ERC1: variants seen among roughly 807,000 people sequenced by gnomAD.
ERC1 encodes ELKS/RAB6-interacting/CAST family member 1, also known as RAB6 interacting protein 2.
Under a neutral mutation model 132.0 loss-of-function variants are expected in ERC1, and 56 were observed. That is an observed-to-expected ratio of 0.42 (90% CI 0.34 to 0.53). The LOEUF is 0.53. Among genes scored for constraint, ERC1 ranks in the 20% least tolerant of loss-of-function variants. The pLI is 0.03. For synonymous variants in ERC1, 478 were observed against 476.1 expected (o/e 1.00, Z -0.05); for missense variants, 1,202 against 1,349.9 (o/e 0.89, Z 1.72).
chr12:1,389,211 T>A (rs1360286122), intron 16 of ERC1, among the ~76,000 whole-genome samples: 1 of 152,196 alleles, frequency 6.6e-6, no homozygotes, highest in Non-Finnish European at 1.5e-5. Flanking sequence ...CATGCTTATT[T>A]TTAGTAGAGT....
chr12:1,382,713 G>A (rs1298713647), intron 16 of ERC1, among the ~76,000 whole-genome samples: 1 of 152,180 alleles, frequency 6.6e-6, no homozygotes, highest in East Asian at 1.9e-4. Context: ...GTCTGCTAAA[G>A]GCTGACATTA....
At chr12:1,221,218 G>T (rs1049289388) in intron 12 of ERC1, among the ~76,000 whole-genome samples, 1 of 152,016 alleles carries the variant, frequency 6.6e-6, no homozygotes, top group East Asian at 1.9e-4. Flanking sequence ...TTAAATATTT[G>T]TTGAATTAAT....
intron 15 of ERC1, among the ~76,000 whole-genome samples, chr12:1,319,718 A>G (rs184181232): frequency 7.9e-5 from 12 of 152,310 alleles, no homozygotes; most frequent in African/African-American, 2.6e-4. Flanking sequence ...TATTGAAACA[A>G]ATTCATGAAT....
At position 1,164,412 on chromosome 12, in the gene ERC1, A is replaced by C. The variant is rs528278151; in HGVS notation, c.1738-16128A>C. Among the ~76,000 whole-genome samples the C allele has an allele frequency of 9.9e-5, 15 of 151,898 alleles. 1 individual carries two copies. In the South Asian group the frequency reaches 3.1e-3, roughly 32 times the overall value. On this transcript the variant is annotated intron_variant, in intron 8 of 18. Transcript: ENST00000360905. ...GCCTGGAGTGCAGTGGCGCTATCTCAGCTCACTGCAAGCTCTGCCTCCCGG... is the reference window on the plus strand; with the variant it reads ...GCCTGGAGTGCAGTGGCGCTATCTCCGCTCACTGCAAGCTCTGCCTCCCGG...
At chr12:1,352,799 T>C (rs1437729841) in intron 15 of ERC1, among the ~76,000 whole-genome samples, 1 of 152,218 alleles carries the variant, frequency 6.6e-6, no homozygotes, top group Non-Finnish European at 1.5e-5. Flanking sequence ...TTTCTATTGC[T>C]TTTTCTCTTT....
intron 10 of ERC1, among the ~76,000 whole-genome samples, chr12:1,182,955 G>A (rs1039123954): frequency 2.6e-5 from 4 of 152,082 alleles, no homozygotes; most frequent in Admixed American, 2.0e-4. Context: ...GTATCTGGCC[G>A]AAAAATGTTT....
At chr12:1,238,712 A>G (rs2075593846) in intron 13 of ERC1, among the ~76,000 whole-genome samples, 1 of 152,128 alleles carries the variant, frequency 6.6e-6, no homozygotes, top group African/African-American at 2.4e-5. Flanking sequence ...TACCCTGCTC[A>G]TCATTTAATG....
At chr12:1,164,328 T>G (rs1952179545) in intron 8 of ERC1, among the ~76,000 whole-genome samples, 1 of 144,568 alleles carries the variant, frequency 6.9e-6, no homozygotes, top group South Asian at 2.1e-4. Flanking sequence ...TTTTGTTATT[T>G]TATTTTATGT....
At chr12:1,374,370 C>T (rs1226951341) in intron 16 of ERC1, among the ~76,000 whole-genome samples, 1 of 152,042 alleles carries the variant, frequency 6.6e-6, no homozygotes, top group Non-Finnish European at 1.5e-5. Flanking sequence ...TTACTTACCC[C>T]CTCTAACCAC....
At chr12:1,243,773 C>G (rs762769308) in intron 13 of ERC1, among the ~76,000 whole-genome samples, 4 of 152,120 alleles carry the variant, frequency 2.6e-5, no homozygotes, top group Non-Finnish European at 5.9e-5. Flanking sequence ...ATAGCCCCCA[C>G]GGCAAAGAAT....
chr12:1,348,392 A>C (rs1282596927), intron 15 of ERC1, among the ~76,000 whole-genome samples: 1 of 152,172 alleles, frequency 6.6e-6, no homozygotes, highest in Admixed American at 6.5e-5. Context: ...AGGGGAAAAA[A>C]TGTATAATGT....
intron 15 of ERC1, among the ~76,000 whole-genome samples, chr12:1,359,729 A>G (rs991052381): frequency 3.9e-5 from 6 of 152,204 alleles, no homozygotes; most frequent in African/African-American, 1.4e-4. Context: ...GGAATAGTCA[A>G]ACCTTGGCCC....
At chr12:1,451,864 A>G (rs1295528953) in intron 18 of ERC1, among the ~76,000 whole-genome samples, 1 of 152,194 alleles carries the variant, frequency 6.6e-6, no homozygotes, top group Non-Finnish European at 1.5e-5. Context: ...TAAAGAGATA[A>G]TTAAGTTAAA....
intron 8 of ERC1, among the ~76,000 whole-genome samples, chr12:1,174,119 A>G (rs1172449648): frequency 6.6e-6 from 1 of 152,222 alleles, no homozygotes; most frequent in African/African-American, 2.4e-5. Context: ...ATGATGCTGG[A>G]TAAACGGAAA....
intron 15 of ERC1, among the ~76,000 whole-genome samples, chr12:1,309,575 C>G (rs576613635): frequency 2.0e-4 from 30 of 152,110 alleles, no homozygotes; most frequent in Non-Finnish European, 3.7e-4. Context: ...ACTCTGACCC[C>G]AATAAGAAAA....
At chr12:1,371,573 C>T (rs796827379) in intron 15 of ERC1, among the ~76,000 whole-genome samples, 2 of 105,982 alleles carry the variant, frequency 1.9e-5, no homozygotes, top group East Asian at 2.4e-4. Flanking sequence ...CTCAAAATGG[C>T]GGTACTGATA....
intron 11 of ERC1, among the ~76,000 whole-genome samples, chr12:1,186,771 C>T (rs1268273738): frequency 6.6e-6 from 1 of 152,186 alleles, no homozygotes; most frequent in Non-Finnish European, 1.5e-5. Flanking sequence ...TGACTATGGA[C>T]AGAAGAAATG....
Position 1,055,992 on chromosome 12 carries a change from A to G in ERC1, c.670-27172A>G, listed in dbSNP as rs140223572. On this transcript the variant is annotated intron_variant, in intron 2 of 18. Coordinates refer to ENST00000360905, the MANE Select transcript of ERC1 (RefSeq NM_178040.4). ...GAGACCCCTGTCTCTAAAAAATAAAATAAAATAAATGAAAATAAAAATAAA... is the reference window on the plus strand; with the variant it reads ...GAGACCCCTGTCTCTAAAAAATAAAGTAAAATAAATGAAAATAAAAATAAA... Among the ~76,000 whole-genome samples the G allele has an allele frequency of 5.8e-3, 885 of 152,186 alleles. 10 individuals are homozygous for G. The highest frequency in any genetic ancestry group is 0.02 in the African/African-American group (817 of 41,534).
intron 14 of ERC1, among the ~76,000 whole-genome samples, chr12:1,282,945 A>T (rs2078783414): frequency 6.6e-6 from 1 of 152,204 alleles, no homozygotes; most frequent in Middle Eastern, 3.2e-3. Flanking sequence ...CCAAGAGAGT[A>T]TAACAAGATT....
Sources: gnomAD v4.1 joint callset for allele counts (sites outside exome capture counted in the v4.1 genomes callset) on GRCh38, gnomAD v4.1.1 for gene constraint, MANE v1.5 for transcripts, NCBI Gene and HGNC (gene_info 2026-07-23, HGNC 2026-07-21) for gene names.